KCNIP4: variants seen among roughly 807,000 people sequenced by gnomAD.
KCNIP4 encodes potassium voltage-gated channel interacting protein 4, also known as Kv channel-interacting protein 4.
A neutral mutation model predicts 34.0 loss-of-function variants in KCNIP4; 12 were observed. The ratio of observed to expected loss-of-function variants is 0.35; its 90% CI spans 0.23 to 0.57. The LOEUF is 0.57. Ranked by LOEUF, KCNIP4 falls within the 20% of genes least tolerant of loss-of-function variation. The pLI is 0.83. For synonymous variants in KCNIP4, 124 were observed against 102.2 expected, an observed-to-expected ratio of 1.21 and a Z score of -1.29; for missense variants, 238 against 311.7, an observed-to-expected ratio of 0.76 and a Z score of 1.78.
intron 1 of KCNIP4, chr4:21,544,539 C>A (rs2109004932): frequency 6.6e-6 from 1 of 152,244 alleles, no homozygotes; most frequent in East Asian, 1.9e-4. Flanking sequence ...TTGGCAGAAG[C>A]CAATTCCTTG....
At chr4:20,948,241 G>C (rs1039775358) in intron 1 of KCNIP4, among the ~76,000 whole-genome samples, 1 of 152,210 alleles carries the variant, frequency 6.6e-6, no homozygotes, top group Non-Finnish European at 1.5e-5. Context: ...AAGTGAAAGA[G>C]AATGTGAGTC....
At chr4:21,180,896 G>T (rs889274014) in intron 1 of KCNIP4, among the ~76,000 whole-genome samples, 1 of 151,732 alleles carries the variant, frequency 6.6e-6, no homozygotes, top group Non-Finnish European at 1.5e-5. Flanking sequence ...TAATCTCCTG[G>T]TTATGAAAAA....
At chr4:21,666,308 A>C (rs1748955701) in intron 1 of KCNIP4, among the ~76,000 whole-genome samples, 1 of 152,236 alleles carries the variant, frequency 6.6e-6, no homozygotes, top group South Asian at 2.1e-4. Context: ...TGTCATCAAT[A>C]AGTTGAATCT....
At position 20,968,866 on chromosome 4, in the gene KCNIP4, T is replaced by C. The variant is rs183382195; in HGVS notation, c.62-86157A>G. 1.1e-3 allele frequency among the ~76,000 whole-genome samples: 170 copies of C among 152,244 alleles called. 1 individual carries two copies. The highest frequency in any genetic ancestry group is 3.7e-3 in the African/African-American group (155 of 41,548). On this transcript the variant is annotated intron_variant, in intron 1 of 8. Transcript: ENST00000382152. ...GGGTGCAGCAAACCAGCATGGCACATGTATACCTACGTAACAAACCTGCAC... is the reference window on the plus strand; with the variant it reads ...GGGTGCAGCAAACCAGCATGGCACACGTATACCTACGTAACAAACCTGCAC...
chr4:21,255,661 C>T (rs1302592724), intron 1 of KCNIP4, among the ~76,000 whole-genome samples: 1 of 136,886 alleles, frequency 7.3e-6, no homozygotes, highest in Admixed American at 7.1e-5. Context: ...AAAAAAAAAA[C>T]TAATTCAGGA....
chr4:21,097,873 T>C (rs1747597907), intron 1 of KCNIP4, among the ~76,000 whole-genome samples: 1 of 152,146 alleles, frequency 6.6e-6, no homozygotes, highest in Non-Finnish European at 1.5e-5. Flanking sequence ...TAGTAAGGAA[T>C]GCATACTGAA....
chr4:21,213,137 C>A (rs1757341562), intron 1 of KCNIP4, among the ~76,000 whole-genome samples: 1 of 152,218 alleles, frequency 6.6e-6, no homozygotes, highest in South Asian at 2.1e-4. Context: ...TTCTCCACTG[C>A]GTCAGCCATG....
chr4:21,364,643 T>C (rs945203184), intron 1 of KCNIP4, among the ~76,000 whole-genome samples: 3 of 151,938 alleles, frequency 2.0e-5, no homozygotes, highest in African/African-American at 7.3e-5. Context: ...AATAAATAAA[T>C]GACAAGTCAA....
intron 1 of KCNIP4, among the ~76,000 whole-genome samples, chr4:21,631,381 T>G (rs552079911): frequency 6.6e-6 from 1 of 152,194 alleles, no homozygotes; most frequent in Admixed American, 6.5e-5. Flanking sequence ...ATGGTAGTTA[T>G]GTAAACATTA....
At chr4:20,830,994 T>C (rs746672568) in intron 3 of KCNIP4, among the ~76,000 whole-genome samples, 4 of 152,224 alleles carry the variant, frequency 2.6e-5, no homozygotes, top group Admixed American at 6.5e-5. Context: ...ACATCTATCA[T>C]ATAGTCAAGA....
chr4:20,954,425 CACTT>C (rs1031219362), intron 1 of KCNIP4, among the ~76,000 whole-genome samples: 4 of 152,110 alleles, frequency 2.6e-5, no homozygotes, highest in African/African-American at 7.2e-5. Flanking sequence ...AATCAATAGA[CACTT>C]ATTTAAGGAA....
intron 1 of KCNIP4, among the ~76,000 whole-genome samples, chr4:20,990,497 A>G (rs1041225015): frequency 2.0e-5 from 3 of 152,214 alleles, no homozygotes; most frequent in African/African-American, 7.2e-5. Context: ...AAGCTGAGGG[A>G]AAAAACTACC....
chr4:21,189,866 T>C (rs1185791608), intron 1 of KCNIP4, among the ~76,000 whole-genome samples: 1 of 152,268 alleles, frequency 6.6e-6, no homozygotes, highest in Non-Finnish European at 1.5e-5. Flanking sequence ...TTTTATGTTA[T>C]GCCTTCAGCT....
At chr4:21,893,552 T>C (rs1450476865) in intron 1 of KCNIP4, among the ~76,000 whole-genome samples, 1 of 152,096 alleles carries the variant, frequency 6.6e-6, no homozygotes, top group Non-Finnish European at 1.5e-5. Context: ...ATCATTCATC[T>C]CCCCCTAATT....
At chr4:21,136,038 G>T (rs1020118633) in intron 1 of KCNIP4, among the ~76,000 whole-genome samples, 3 of 152,064 alleles carry the variant, frequency 2.0e-5, no homozygotes, top group Admixed American at 6.6e-5. Flanking sequence ...TTTTACCACG[G>T]GTTTTAAATA....
At chr4:21,772,480 A>G (rs1718869072) in intron 1 of KCNIP4, among the ~76,000 whole-genome samples, 1 of 152,034 alleles carries the variant, frequency 6.6e-6, no homozygotes, top group African/African-American at 2.4e-5. Context: ...AATTGTTTGG[A>G]ATAGTTTCAG....
At chr4:21,842,630 T>A (rs1401337115) in intron 1 of KCNIP4, among the ~76,000 whole-genome samples, 1 of 152,156 alleles carries the variant, frequency 6.6e-6, no homozygotes, top group African/African-American at 2.4e-5. Context: ...GAGATACTTT[T>A]GCTTTTTCTA....
At chr4:21,167,500 C>T (rs946658765) in intron 1 of KCNIP4, among the ~76,000 whole-genome samples, 1 of 152,100 alleles carries the variant, frequency 6.6e-6, no homozygotes, top group Non-Finnish European at 1.5e-5. Flanking sequence ...ATAGTTTTGG[C>T]ATGGAATAGA....
chr4:21,724,998 A>G (rs1250301471), intron 1 of KCNIP4, among the ~76,000 whole-genome samples: 1 of 152,102 alleles, frequency 6.6e-6, no homozygotes, highest in Non-Finnish European at 1.5e-5. Flanking sequence ...TAAACACTTT[A>G]GCTTCACAGA....
Sources: allele counts gnomAD v4.1 joint callset (sites outside exome capture counted in the v4.1 genomes callset), GRCh38; gene constraint gnomAD v4.1.1; transcripts MANE v1.5; gene names NCBI Gene and HGNC (gene_info 2026-07-23, HGNC 2026-07-21).